Variants in SATB1 observed in about 807,000 individuals in gnomAD.
SATB1 encodes DNA-binding protein SATB1.
Under a neutral mutation model 86.9 loss-of-function variants are expected in SATB1, and 11 were observed. The observed-to-expected ratio is 0.13, with a 90% CI of 0.08 to 0.21. SATB1 has a LOEUF of 0.21. Ranked by LOEUF, SATB1 falls within the 10% of genes least tolerant of loss-of-function variation. SATB1 has a pLI of 1.00. For synonymous variants in SATB1, 357 were observed against 357.2 expected, an observed-to-expected ratio of 1.00 and a Z score of 0.01; for missense variants, 551 against 937.6, an observed-to-expected ratio of 0.59 and a Z score of 5.39.
At position 18,443,718 on chromosome 3, in the gene SATB1, G is replaced by A. The variant is rs1318291340; in HGVS notation, c.-25+1800C>T. ...CCAAACCCCGGTTCTGCCGGCCCGG[G>A]AGCCTTAGCACTGGAGCAATAGGAA... On this transcript the variant is annotated intron_variant, in intron 1 of 3. Coordinates refer to the SATB1 transcript ENST00000415069. This position sits in a 1 kb window ranked among gnomAD's most constrained non-coding sequence, Gnocchi z 4.4. Among the ~76,000 whole-genome samples the A allele has an allele frequency of 6.6e-6, 1 of 152,102 alleles. No homozygotes were observed. Among genetic ancestry groups the A allele is most frequent in the Non-Finnish European group, 1.5e-5 (1 of 68,020 alleles).
At chr3:18,398,863 AAAG>A (rs1223871961) in intron 5 of SATB1, among the ~76,000 whole-genome samples, 3 of 152,188 alleles carry the variant, frequency 2.0e-5, no homozygotes, top group Non-Finnish European at 4.4e-5. Context: ...CACAGTGTAA[AAAG>A]ACACTTAGCA....
intron 4 of SATB1, 153 bp downstream of exon 4, chr3:18,415,854 A>G (rs1478146501): frequency 1.8e-6 from 1 of 545,184 alleles, no homozygotes; most frequent in Non-Finnish European, 3.0e-6. Flanking sequence ...AGTTAGGAAA[A>G]AAGGCAGAAG....
Position 18,416,026 on chromosome 3 carries a change from A to G in SATB1, c.496T>C (p.Leu166=), listed in dbSNP as rs138828433. 12 of 1,601,622 alleles carry G rather than the reference A, an allele frequency of 7.5e-6. No homozygotes were observed. The highest frequency in any genetic ancestry group is 4.5e-5 in the South Asian group (4 of 89,552). The change falls in exon 4 of 11, where the codon TTG becomes CTG. Residue 166 remains leucine (L), a synonymous_variant. Transcript: ENST00000338745. ...MLQDVYHVVT[L]KIQLHSCPKL... ...ACTCACCTGTGTAACTGAATTTTCA[A>G]TGTGACCACATGATACACATCTTGA...
In SATB1 at chr3:18,360,146, AC is replaced by A. The variant is rs2125144570; in HGVS notation, c.1576-7952del. Among the ~76,000 whole-genome samples the A allele has an allele frequency of 2.0e-5, 3 of 152,256 alleles. No homozygotes were observed. In the South Asian group the frequency reaches 6.2e-4, roughly 32 times the overall value. On this transcript the variant is annotated intron_variant, in intron 9 of 10. Coordinates refer to ENST00000338745, the MANE Select transcript of SATB1 (RefSeq NM_002971.6). The stretch of plus-strand genomic sequence containing the variant: ...ATCACACAGAGTTGATGTGATTCCT[AC>A]AAAAAAGCACATTAATCTGATGTTT...
At chr3:18,421,136 G>A in intron 1 of SATB1, 145 bp from the exon 2 acceptor site, 1 of 600,576 alleles carries the variant, frequency 1.7e-6, no homozygotes, top group Non-Finnish European at 2.9e-6. Context: ...TGATACAGAT[G>A]TTACTATATT....
In SATB1 at chr3:18,415,133, G is replaced by A; in HGVS notation, c.617C>T (p.Ala206Val). The A allele has an allele frequency of 6.2e-7, 1 of 1,612,880 alleles. No individual in the cohort carries two copies. Among genetic ancestry groups the A allele is most frequent in the Non-Finnish European group, 8.5e-7 (1 of 1,179,174 alleles). ...LLKDMNQSSLAKECPLSQSMI... is the reference protein window; with the variant it reads ...LLKDMNQSSLVKECPLSQSMI... ...TACCTGTGAAAGGGGGCACTCCTTG[G>A]CCAATGAACTCTGATTCATATCTTT... is the stretch of plus-strand genomic sequence containing the variant. Residue 206 changes from alanine (A) to valine (V), a missense_variant, in exon 5 of 11, where the codon GCC becomes GTC. Around this residue, in one of 8 missense-constraint regions of SATB1, gnomAD observed 153 missense variants for 258.1 expected, o/e 0.59. Coordinates refer to ENST00000338745, the MANE Select transcript of SATB1 (RefSeq NM_002971.6).
upstream of SATB1, among the ~76,000 whole-genome samples, chr3:18,440,967 G>A (rs1388692109): frequency 2.0e-5 from 3 of 152,060 alleles, no homozygotes; most frequent in South Asian, 2.1e-4. Context: ...TGATTTACTC[G>A]AGATAGTCCT....
At chr3:18,369,078 T>C (rs1380043014) in intron 9 of SATB1, among the ~76,000 whole-genome samples, 1 of 151,674 alleles carries the variant, frequency 6.6e-6, no homozygotes, top group East Asian at 1.9e-4. Flanking sequence ...AATATCTCCA[T>C]GAAATAAAGT....
chr3:18,378,477 T>A, intron 8 of SATB1, 152 bp from the exon 9 acceptor site: 1 of 733,004 alleles, frequency 1.4e-6, no homozygotes, highest in South Asian at 2.0e-5. Flanking sequence ...TGCCCTGAGA[T>A]CAGATTGCTT....
intron 5 of SATB1, among the ~76,000 whole-genome samples, chr3:18,412,439 A>G (rs1246510367): frequency 2.0e-5 from 3 of 152,008 alleles, no homozygotes; most frequent in African/African-American, 7.2e-5. Flanking sequence ...ACTTTCTACT[A>G]ACTATAATAT....
chr3:18,374,095 C>A (rs1198261530), intron 9 of SATB1, among the ~76,000 whole-genome samples: 2 of 152,182 alleles, frequency 1.3e-5, no homozygotes, highest in Non-Finnish European at 2.9e-5. Flanking sequence ...ACTGTACCTG[C>A]AAGCTCCACC....
chr3:18,349,317 A>G lies in SATB1; in HGVS notation c.2145T>C (p.Asp715=), dbSNP rs544043280. The G allele has an allele frequency of 3.6e-5, 58 of 1,614,146 alleles. No homozygotes were observed. In the South Asian group the frequency reaches 6.0e-4, roughly 17 times the overall value. ...KLKDNSGLEV[D]VAEYKEEELL... Reference sequence around the variant, plus strand: ...GCTCCTCTTCTTTATATTCTGCCACATCGACCTCTAAACCGGAATTGTCCT... The same window carrying G: ...GCTCCTCTTCTTTATATTCTGCCACGTCGACCTCTAAACCGGAATTGTCCT... Residue 715 remains aspartate, a synonymous_variant, in exon 11 of 11, where the codon GAT becomes GAC. Transcript: ENST00000338745. This position sits in a 1 kb window ranked among gnomAD's most constrained non-coding sequence, Gnocchi z 5.5.
chr3:18,358,529 T>C (rs958081125), intron 9 of SATB1, among the ~76,000 whole-genome samples: 2 of 151,958 alleles, frequency 1.3e-5, no homozygotes, highest in Admixed American at 6.6e-5. Context: ...TAAGTTAACA[T>C]TGGTCTTATT....
At chr3:18,403,123 G>T (rs541850316) in intron 5 of SATB1, among the ~76,000 whole-genome samples, 2 of 152,164 alleles carry the variant, frequency 1.3e-5, no homozygotes, top group East Asian at 3.9e-4. Flanking sequence ...CTGAAATGGT[G>T]ACTGCTGTAT....
At chr3:18,416,201 GTTCTT>G (rs1698104580) in intron 3 of SATB1, 68 bp from the exon 4 acceptor site, 3 of 1,319,496 alleles carry the variant, frequency 2.3e-6, no homozygotes, top group Admixed American at 2.1e-5. Flanking sequence ...CTAGAAGGGT[GTTCTT>G]TTCTTTTCTA....
Position 18,394,441 on chromosome 3 carries a change from C to A in SATB1, c.1206+21G>T. 1.9e-6 allele frequency: 3 copies of A among 1,604,946 alleles called. No homozygotes were observed. Among genetic ancestry groups the A allele is most frequent in the Non-Finnish European group, 2.6e-6 (3 of 1,171,888 alleles). On this transcript the variant is annotated intron_variant, in intron 7 of 10. Transcript: ENST00000338745. This position sits in a 1 kb window ranked among gnomAD's most constrained non-coding sequence, Gnocchi z 5.9. ...GAGAAAATAGGAGACAGCACAGAAC[C>A]ACTTATGAAACACAACTGACCTGAG...
chr3:18,419,308 A>C (rs1698272995), intron 2 of SATB1, among the ~76,000 whole-genome samples: 1 of 152,204 alleles, frequency 6.6e-6, no homozygotes, highest in Non-Finnish European at 1.5e-5. Context: ...AACTACAGCA[A>C]CTTCATAACC....
chr3:18,426,241 G>A (rs1318611309), upstream of SATB1, among the ~76,000 whole-genome samples: 1 of 152,224 alleles, frequency 6.6e-6, no homozygotes, highest in East Asian at 1.9e-4. This position sits in a 1 kb window ranked among gnomAD's most constrained non-coding sequence, Gnocchi z 4.2. Flanking sequence ...AACTGAGTAA[G>A]AGCGTTCTGT....
intron 7 of SATB1, among the ~76,000 whole-genome samples, chr3:18,392,444 T>C (rs1173350754): frequency 6.6e-6 from 1 of 152,136 alleles, no homozygotes; most frequent in Non-Finnish European, 1.5e-5. Context: ...CTCACTTCTC[T>C]GAGTTCTACT....
Sources: gnomAD v4.1 joint callset for allele counts (sites outside exome capture counted in the v4.1 genomes callset) on GRCh38, gnomAD v4.1.1 for gene constraint, gnomAD v4.1.1 regional missense constraint, Gnocchi (gnomAD v3.1) non-coding constraint, MANE v1.5 for transcripts, NCBI Gene and HGNC (gene_info 2026-07-23, HGNC 2026-07-21) for gene names.